The following PC variants were observed in gnomAD, a reference collection of about 807,000 sequenced individuals.
PC encodes pyruvate carboxylase.
Under a neutral mutation model 107.8 loss-of-function variants are expected in PC, and 46 were observed. That is an observed-to-expected ratio of 0.43 (90% CI 0.34 to 0.55). The LOEUF is 0.55. Ranked by LOEUF, PC falls within the 20% of genes least tolerant of loss-of-function variation. The pLI is 0.04. For missense variants in PC, 1,241 were observed against 1,643.1 expected (o/e 0.76, Z 4.23); for synonymous variants, 662 against 684.7 (o/e 0.97, Z 0.52).
intron 3 of PC, among the ~76,000 whole-genome samples, chr11:66,897,297 G>A (rs1811332252): frequency 6.6e-6 from 1 of 152,200 alleles, no homozygotes; most frequent in South Asian, 2.1e-4. Context: ...AAGTCGGGGT[G>A]CAGTGGCTCA....
At chr11:66,946,092 C>CAAAA (rs757767116) in intron 3 of PC, among the ~76,000 whole-genome samples, 12 of 66,000 alleles carry the variant, frequency 1.8e-4, no homozygotes, top group East Asian at 1.5e-3. Context: ...GACTCCGTCT[C>CAAAA]AAAAAAAAAA....
At chr11:66,859,955 C>A in intron 12 of PC, 1 of 1,600,648 alleles carries the variant, frequency 6.2e-7, no homozygotes, top group Non-Finnish European at 8.5e-7. Context: ...TCAGCCACGT[C>A]CAGTCCCAGA....
chr11:66,862,158 G>C (rs1462968451), intron 12 of PC, among the ~76,000 whole-genome samples: 1 of 152,198 alleles, frequency 6.6e-6, no homozygotes, highest in African/African-American at 2.4e-5. Context: ...GCCGCAGCAA[G>C]GTGCAGGGGG....
At chr11:66,862,430 C>T (rs1946307787) in intron 12 of PC, among the ~76,000 whole-genome samples, 1 of 152,234 alleles carries the variant, frequency 6.6e-6, no homozygotes, top group Non-Finnish European at 1.5e-5. Context: ...ACAGCACGGC[C>T]CACATGCCCC....
At chr11:66,956,553 C>A (rs1391492265) in intron 1 of PC, among the ~76,000 whole-genome samples, 1 of 152,168 alleles carries the variant, frequency 6.6e-6, no homozygotes, top group African/African-American at 2.4e-5. Flanking sequence ...CCGCTGCACT[C>A]CAGCCTGGGC....
intron 3 of PC, among the ~76,000 whole-genome samples, chr11:66,947,761 G>A (rs1231509412): frequency 1.3e-5 from 2 of 150,132 alleles, no homozygotes; most frequent in East Asian, 2.0e-4. Flanking sequence ...GTCAGGAGTC[G>A]AGACCAGCCT....
chr11:66,866,405 C>A lies in PC; in HGVS notation c.1023-56G>T. ...ACGGGAGAAAGGGGGAAACATGAGG[C>A]GGGGGATAGACGAGGGGCACCGCAG... On this transcript the variant is annotated intron_variant, in intron 10 of 22. Coordinates refer to ENST00000393960, the MANE Select transcript of PC (RefSeq NM_001040716.2). This position sits in a 1 kb window ranked among gnomAD's most constrained non-coding sequence, Gnocchi z 5.4. The A allele has an allele frequency of 3.3e-6, 4 of 1,220,524 alleles. No individual in the cohort carries two copies. Among genetic ancestry groups the A allele is most frequent in the Non-Finnish European group, 3.4e-6 (3 of 876,004 alleles). The allele number at this position is 1,220,524 out of a possible 1,614,324, so 75.6% of individuals were successfully genotyped here.
intron 3 of PC, among the ~76,000 whole-genome samples, chr11:66,893,350 C>T (rs765595172): frequency 1.3e-5 from 2 of 152,160 alleles, no homozygotes; most frequent in African/African-American, 2.4e-5. Flanking sequence ...GGCCCAGAGA[C>T]GGGGAGTGAG....
At chr11:66,933,191 C>T (rs1948905736) in intron 3 of PC, among the ~76,000 whole-genome samples, 1 of 152,036 alleles carries the variant, frequency 6.6e-6, no homozygotes, top group South Asian at 2.1e-4. Context: ...GGCCTCAGCC[C>T]TTCAGCCCAG....
In PC at chr11:66,872,012, A is replaced by G. The variant is rs201652131; in HGVS notation, c.136+12T>C. The stretch of plus-strand genomic sequence containing the variant: ...CCATGAGGCTCCTCTCACCGGCCCC[A>G]CTGGTGCTCACCTCTGTTGGCCACC... On this transcript the variant is annotated intron_variant, in intron 4 of 22. Transcript: ENST00000393960. 3 of 1,557,580 alleles carry G rather than the reference A, an allele frequency of 1.9e-6. No individual in the cohort carries two copies. The highest frequency in any genetic ancestry group is 3.9e-5 in the Admixed American group (2 of 51,624).
intron 3 of PC, among the ~76,000 whole-genome samples, chr11:66,948,004 C>T (rs1214445807): frequency 2.9e-5 from 4 of 136,688 alleles, no homozygotes; most frequent in Non-Finnish European, 6.3e-5. Context: ...GAGATCTCAT[C>T]TCTACTAAAG....
intron 3 of PC, among the ~76,000 whole-genome samples, chr11:66,935,342 C>T (rs963772457): frequency 1.3e-5 from 2 of 152,168 alleles, no homozygotes; most frequent in African/African-American, 4.8e-5. Context: ...TATTTTGCAA[C>T]CAGTTGGAAT....
chr11:66,894,953 C>T (rs539945432), intron 3 of PC, among the ~76,000 whole-genome samples: 47 of 149,666 alleles, frequency 3.1e-4, no homozygotes, highest in African/African-American at 1.1e-3. Context: ...ACCCAGGAGG[C>T]GGAAGCTGAA....
intron 12 of PC, among the ~76,000 whole-genome samples, chr11:66,861,035 C>A (rs1183498846): frequency 1.3e-5 from 2 of 152,236 alleles, no homozygotes; most frequent in African/African-American, 4.8e-5. Flanking sequence ...TGCCATCAGC[C>A]CGTGATCCTC....
In PC at chr11:66,857,682, G is replaced by A; in HGVS notation, c.1369-4299C>T. On this transcript the variant is annotated intron_variant, in intron 12 of 22. Coordinates refer to ENST00000393960, the MANE Select transcript of PC (RefSeq NM_001040716.2). The surrounding 1 kb of genome is among the most constrained non-coding windows in gnomAD (Gnocchi z 7.1). The stretch of plus-strand genomic sequence containing the variant: ...GCTTCTGGGACTGTCCTGGGCCCAA[G>A]TGGGCACCTGCGCCAGCCCCACCTG... 1 of 1,512,740 alleles carries A rather than the reference G, an allele frequency of 6.6e-7. No homozygotes were observed. The highest frequency in any genetic ancestry group is 1.3e-5 in the South Asian group (1 of 79,662). The allele number at this position is 1,512,740 out of a possible 1,614,324, so 93.7% of individuals were successfully genotyped here.
chr11:66,864,781 C>T (rs1194050847), intron 11 of PC, among the ~76,000 whole-genome samples: 3 of 152,230 alleles, frequency 2.0e-5, no homozygotes, highest in Non-Finnish European at 2.9e-5. Context: ...CTCGTGCCGC[C>T]TGCACCTGTT....
Position 66,848,659 on chromosome 11 carries a change from C to T in PC, c.*240G>A. On this transcript the variant is annotated 3_prime_UTR_variant, in exon 23 of 23. Transcript: ENST00000393960. ...CACCTGACCCACCACTTGTAGTCTC[C>T]AGTGAGGAGGGGACCCTTATTTGGC... The T allele has an allele frequency of 1.6e-6, 1 of 621,006 alleles. No individual in the cohort carries two copies. The allele number at this position is 621,006 out of a possible 1,614,324, so 38.5% of individuals were successfully genotyped here.
chr11:66,936,223 C>T (rs1053459330), intron 3 of PC, among the ~76,000 whole-genome samples: 3 of 150,680 alleles, frequency 2.0e-5, no homozygotes, highest in Non-Finnish European at 4.4e-5. Flanking sequence ...ACTCCAGCCT[C>T]GTGACAGAGC....
rs1401898564 is a variant in PC, at chr11:66,883,639, G to A, written c.1-11480C>T. Among the ~76,000 whole-genome samples the A allele has an allele frequency of 2.0e-5, 3 of 152,206 alleles. No homozygotes were observed. In the East Asian group the frequency reaches 5.8e-4, roughly 29 times the overall value. ...TGTCTCCTTTAATAGACACTGTTAG[G>A]GCCCTGGGCACAGGATCCCTGGTCT... On this transcript the variant is annotated intron_variant, in intron 3 of 22. Transcript: ENST00000393960.
Sources: allele counts gnomAD v4.1 joint callset (sites outside exome capture counted in the v4.1 genomes callset), GRCh38; gene constraint gnomAD v4.1.1; non-coding constraint Gnocchi (gnomAD v3.1); transcripts MANE v1.5; gene names NCBI Gene and HGNC (gene_info 2026-07-23, HGNC 2026-07-21).